Variants in SLCO1A2 observed in about 807,000 individuals in gnomAD.
SLCO1A2 encodes solute carrier organic anion transporter family member 1A2.
A neutral mutation model predicts 69.0 loss-of-function variants in SLCO1A2; 67 were observed. That is an observed-to-expected ratio of 0.97 (90% CI 0.80 to 1.19). The LOEUF (loss-of-function observed/expected upper bound fraction) is 1.19, where lower values mean the gene tolerates loss of function less well. SLCO1A2 is among the 50% of genes most tolerant of loss of function. The pLI is 0.00. For synonymous variants in SLCO1A2, 260 were observed against 265.9 expected (o/e 0.98, Z 0.22); for missense variants, 787 against 793.7 (o/e 0.99, Z 0.10).
At chr12:21,309,165 C>T (rs1234765135) in intron 4 of SLCO1A2, among the ~76,000 whole-genome samples, 1 of 149,974 alleles carries the variant, frequency 6.7e-6, no homozygotes, top group Non-Finnish European at 1.5e-5. Context: ...AACAAGAAGA[C>T]AAGAGGACAA....
intron 1 of SLCO1A2, among the ~76,000 whole-genome samples, chr12:21,374,900 A>T (rs549134919): frequency 6.6e-6 from 1 of 151,886 alleles, no homozygotes; most frequent in African/African-American, 2.4e-5. Context: ...TGTAGCCTTG[A>T]CATTCTAGGC....
intron 1 of SLCO1A2, among the ~76,000 whole-genome samples, chr12:21,403,143 T>G (rs1218436862): frequency 1.3e-5 from 2 of 152,142 alleles, no homozygotes; most frequent in East Asian, 1.9e-4. Context: ...TTAAATGTAC[T>G]TCTAACGCTC....
At chr12:21,413,494 G>A (rs368147409) in intron 1 of SLCO1A2, among the ~76,000 whole-genome samples, 12 of 151,934 alleles carry the variant, frequency 7.9e-5, no homozygotes, top group African/African-American at 2.7e-4. Context: ...CACCTGCCTC[G>A]GCCTCCCAAA....
intron 1 of SLCO1A2, chr12:21,376,347 T>C: frequency 2.8e-6 from 1 of 362,690 alleles, no homozygotes; most frequent in Admixed American, 3.2e-5. Flanking sequence ...TTCCAATTTT[T>C]ACTGTTTTTC....
At chr12:21,393,314 T>A (rs1325898433) in intron 1 of SLCO1A2, among the ~76,000 whole-genome samples, 7 of 152,174 alleles carry the variant, frequency 4.6e-5, no homozygotes, top group Non-Finnish European at 2.9e-5. Context: ...AAAAGCAATC[T>A]AGGTAACAAT....
intron 1 of SLCO1A2, among the ~76,000 whole-genome samples, chr12:21,416,325 TAATG>T (rs1253196841): frequency 2.7e-5 from 4 of 150,640 alleles, no homozygotes; most frequent in African/African-American, 7.3e-5. Context: ...GAAAGGGAAA[TAATG>T]AATGAAGATT....
chr12:21,366,150 A>T (rs1276657474), intron 2 of SLCO1A2, among the ~76,000 whole-genome samples: 2 of 152,236 alleles, frequency 1.3e-5, no homozygotes, highest in Non-Finnish European at 2.9e-5. Context: ...GAACCAACCC[A>T]AATGTCCATC....
intron 2 of SLCO1A2, among the ~76,000 whole-genome samples, chr12:21,328,574 C>T (rs1952408358): frequency 1.3e-5 from 2 of 152,038 alleles, no homozygotes; most frequent in Non-Finnish European, 2.9e-5. Flanking sequence ...GGTGGGATTG[C>T]CTGTTTTATG....
In SLCO1A2 at chr12:21,318,128, C is replaced by CTTT. The variant is rs201619597; in HGVS notation, c.202+651_202+653dup. On this transcript the variant is annotated intron_variant, in intron 3 of 14. Transcript: ENST00000683939. ...ACATCTTCTAGGTCTTCTACCTTTTCTTTTTTTTTTTTGAGATGGAGTCTC... is the reference window on the plus strand; with the variant it reads ...ACATCTTCTAGGTCTTCTACCTTTTCTTTTTTTTTTTTTTTGAGATGGAGTCTC... Among the ~76,000 whole-genome samples, 60 of 143,740 alleles carry CTTT rather than the reference C, an allele frequency of 4.2e-4. 1 individual carries two copies. In the South Asian group the frequency reaches 6.4e-3, roughly 15 times the overall value. 94.3% of individuals were successfully genotyped at this position (143,740 alleles called of 152,430 possible).
At chr12:21,338,808 T>C (rs1032525926), upstream of SLCO1A2, among the ~76,000 whole-genome samples, 3 of 151,314 alleles carry the variant, frequency 2.0e-5, no homozygotes, top group Non-Finnish European at 1.5e-5. Flanking sequence ...GACAAGACTT[T>C]ATCTGTTTAT....
At position 21,312,066 on chromosome 12, in the gene SLCO1A2, G is replaced by A. The variant is rs566624941; in HGVS notation, c.335+2483C>T. Among the ~76,000 whole-genome samples, 4 of 132,146 alleles carry A rather than the reference G, an allele frequency of 3.0e-5. No homozygotes were observed. The South Asian group carries it at 8.4e-4, about 28-fold the overall frequency. The allele number at this position is 132,146 out of a possible 152,430, so 86.7% of individuals were successfully genotyped here. A position where few individuals can be genotyped will look rare whatever the true frequency, so the allele number is the denominator to read the frequency against. The stretch of plus-strand genomic sequence containing the variant: ...AAGAAGAAGAGGAGGAGAAGAAGAA[G>A]AGGAAGAAGAAGAGGAGGAGGAGGA... On this transcript the variant is annotated intron_variant, in intron 4 of 14. Transcript: ENST00000683939.
chr12:21,335,885 G>C (rs1478289752), upstream of SLCO1A2, among the ~76,000 whole-genome samples: 2 of 152,152 alleles, frequency 1.3e-5, no homozygotes, highest in African/African-American at 2.4e-5. Context: ...AGAAAGCCAA[G>C]TACGTGCCTA....
At chr12:21,341,719 A>G (rs1470139837) in intron 2 of SLCO1A2, among the ~76,000 whole-genome samples, 1 of 152,084 alleles carries the variant, frequency 6.6e-6, no homozygotes. Context: ...AACTGGCTGC[A>G]TGTAGTTCAA....
chr12:21,334,410 G>A (rs1170843862), intron 2 of SLCO1A2, among the ~76,000 whole-genome samples, 178 bp downstream of exon 2: 2 of 151,996 alleles, frequency 1.3e-5, no homozygotes, highest in African/African-American at 4.8e-5. Flanking sequence ...CAATAATCCT[G>A]TGTAGACACA....
chr12:21,283,848 A>C (rs567817804), intron 12 of SLCO1A2, among the ~76,000 whole-genome samples: 1 of 152,328 alleles, frequency 6.6e-6, no homozygotes, highest in African/African-American at 2.4e-5. Context: ...ATGCAAATCA[A>C]AACTGCAATG....
chr12:21,387,701 C>T (rs770835096), intron 1 of SLCO1A2, among the ~76,000 whole-genome samples: 6 of 152,160 alleles, frequency 3.9e-5, no homozygotes, highest in East Asian at 3.9e-4. Context: ...AAGGGACATG[C>T]GGGGTTGGAG....
intron 12 of SLCO1A2, among the ~76,000 whole-genome samples, chr12:21,279,711 A>G (rs1455554864): frequency 6.6e-6 from 1 of 152,250 alleles, no homozygotes; most frequent in Admixed American, 6.5e-5. Flanking sequence ...GAGTACTTCA[A>G]TCAGAAAGGA....
chr12:21,363,253 G>A (rs553650294), intron 2 of SLCO1A2, among the ~76,000 whole-genome samples: 237 of 152,080 alleles, frequency 1.6e-3, no homozygotes, highest in African/African-American at 5.2e-3. Flanking sequence ...ACTCAAAACC[G>A]CTCAACTACA....
chr12:21,415,050 A>G (rs1171000776), intron 1 of SLCO1A2, among the ~76,000 whole-genome samples: 1 of 151,954 alleles, frequency 6.6e-6, no homozygotes, highest in Non-Finnish European at 1.5e-5. Flanking sequence ...TCTTTTTGGT[A>G]CACATTTGGA....
Sources: gnomAD v4.1 joint callset for allele counts (sites outside exome capture counted in the v4.1 genomes callset) on GRCh38, gnomAD v4.1.1 for gene constraint, MANE v1.5 for transcripts, NCBI Gene and HGNC (gene_info 2026-07-23, HGNC 2026-07-21) for gene names.